Variants in DST observed in about 807,000 individuals in gnomAD.
DST encodes the protein bullous pemphigoid antigen.
Under a neutral mutation model 875.2 loss-of-function variants are expected in DST, and 253 were observed. That is an observed-to-expected ratio of 0.29 (90% CI 0.26 to 0.32). DST has a LOEUF of 0.32. Among genes scored for constraint, DST ranks in the 10% least tolerant of loss-of-function variants. DST has a pLI of 1.00. For missense variants in DST, 8,287 were observed against 9,111.6 expected, an observed-to-expected ratio of 0.91 and a Z score of 3.68; for synonymous variants, 3,124 against 3,197.1, an observed-to-expected ratio of 0.98 and a Z score of 0.77.
intron 49 of DST, among the ~76,000 whole-genome samples, chr6:56,590,805 C>T (rs533237624): frequency 6.6e-6 from 1 of 152,286 alleles, no homozygotes; most frequent in Non-Finnish European, 1.5e-5. Flanking sequence ...TGACCTCCTT[C>T]CCTGCTCTCA....
intron 4 of DST, among the ~76,000 whole-genome samples, chr6:56,819,855 C>T (rs898857802): frequency 6.6e-6 from 1 of 152,128 alleles, no homozygotes; most frequent in South Asian, 2.1e-4. Flanking sequence ...TGTTTTCCTA[C>T]TGAAGAGAGA....
At chr6:56,501,832 G>T in intron 78 of DST, 139 bp from the exon 79 acceptor site, 1 of 527,594 alleles carries the variant, frequency 1.9e-6, no homozygotes, top group Non-Finnish European at 3.1e-6. Flanking sequence ...CTCACATGAG[G>T]CTTACCAATG....
intron 2 of DST, among the ~76,000 whole-genome samples, chr6:56,929,032 T>G (rs906327603): frequency 6.6e-5 from 10 of 152,142 alleles, no homozygotes; most frequent in Non-Finnish European, 1.0e-4. Context: ...CCTTTGGAAT[T>G]AGACAACCCA....
At chr6:56,474,269 A>C (rs2152404017) in intron 92 of DST, 1 of 294,282 alleles carries the variant, frequency 3.4e-6, no homozygotes, top group East Asian at 9.8e-5. Flanking sequence ...GGATCACCTG[A>C]GGTCAGGAGT....
intron 4 of DST, among the ~76,000 whole-genome samples, chr6:56,839,617 A>G (rs1379936167): frequency 6.6e-6 from 1 of 152,198 alleles, no homozygotes; most frequent in East Asian, 1.9e-4. Flanking sequence ...AAATTCCCTG[A>G]AACCTGTATA....
intron 4 of DST, among the ~76,000 whole-genome samples, chr6:56,781,134 A>G (rs1423704660): frequency 6.6e-6 from 1 of 152,124 alleles, no homozygotes; most frequent in African/African-American, 2.4e-5. Flanking sequence ...GTAGCCTTGT[A>G]GTATTGTTTG....
Position 56,553,205 on chromosome 6 carries a change from A to C in DST, c.15587T>G (p.Leu5196Trp). ...QNNLEEIKFC[L>W]DPAEGENSIA... ...AGAATTCTCTCCTTCAGCAGGATCC[A>C]AGCAAAATTTTATTTCCTCCAGGTT... The change falls in exon 61 of 104, where the codon TTG (leucine) becomes TGG (tryptophan). Residue 5196 changes from leucine to tryptophan, a missense_variant. This residue lies in a region of DST where 1,513 missense variants were observed against 1,677.8 expected (regional missense o/e 0.90). Coordinates refer to ENST00000680361, the MANE Select transcript of DST (RefSeq NM_001374736.1). The C allele has an allele frequency of 1.2e-6, 2 of 1,613,970 alleles. No homozygotes were observed. Among genetic ancestry groups the C allele is most frequent in the South Asian group, 2.2e-5 (2 of 91,086 alleles).
At chr6:56,830,553 A>G (rs1325548159) in intron 4 of DST, among the ~76,000 whole-genome samples, 1 of 152,210 alleles carries the variant, frequency 6.6e-6, no homozygotes, top group Admixed American at 6.5e-5. Flanking sequence ...TACTACAGAA[A>G]TTACATCTTT....
intron 62 of DST, among the ~76,000 whole-genome samples, chr6:56,536,034 T>C (rs6907917): frequency 0.76 from 115,640 of 152,148 alleles, 44,163 homozygotes; most frequent in East Asian, 0.8. Flanking sequence ...CAAGACCTGG[T>C]ACCTGCTGAA....
intron 3 of DST, among the ~76,000 whole-genome samples, chr6:56,888,190 C>T (rs1379593415): frequency 6.6e-6 from 1 of 151,958 alleles, no homozygotes; most frequent in Non-Finnish European, 1.5e-5. Flanking sequence ...CCTCGTGATC[C>T]GCCCGCCTCA....
chr6:56,906,668 C>T (rs563438491), intron 2 of DST, among the ~76,000 whole-genome samples: 1 of 152,254 alleles, frequency 6.6e-6, no homozygotes, highest in South Asian at 2.1e-4. Flanking sequence ...CATCCACTGC[C>T]TGCCAGCCTT....
At chr6:56,890,648 T>G (rs1463366961) in intron 3 of DST, among the ~76,000 whole-genome samples, 1 of 152,240 alleles carries the variant, frequency 6.6e-6, no homozygotes, top group Non-Finnish European at 1.5e-5. Context: ...TATTTGCATA[T>G]AGCTTACAAA....
At chr6:56,703,577 A>T in intron 7 of DST, 71 bp downstream of exon 7, 2 of 531,550 alleles carry the variant, frequency 3.8e-6, no homozygotes, top group Non-Finnish European at 4.8e-6. Context: ...CCCAGGAGTT[A>T]CTTCTCTATC....
At chr6:56,567,344 A>T (rs1353184015) in intron 55 of DST, among the ~76,000 whole-genome samples, 1 of 152,012 alleles carries the variant, frequency 6.6e-6, no homozygotes, top group African/African-American at 2.4e-5. Context: ...AAAAAAAATT[A>T]AACATGATGG....
At position 56,843,796 on chromosome 6, in the gene DST, A is replaced by C. The variant is rs1481396744; in HGVS notation, c.625+7601T>G. 4.9e-6 allele frequency: 3 copies of C among 617,344 alleles called. No homozygotes were observed. The African/African-American group carries it at 5.9e-5, about 12-fold the overall frequency. The allele number at this position is 617,344 out of a possible 1,614,324, so 38.2% of individuals were successfully genotyped here. ...AAGGGAGGGGGCGAGCGCGGCGGTC[A>C]GCGCCCCGGCTGGCTCAGCTCCGGC... On this transcript the variant is annotated intron_variant, in intron 4 of 103. Coordinates refer to ENST00000680361, the MANE Select transcript of DST (RefSeq NM_001374736.1).
intron 4 of DST, among the ~76,000 whole-genome samples, chr6:56,836,633 G>A (rs1216193031): frequency 2.6e-5 from 4 of 151,806 alleles, no homozygotes; most frequent in Admixed American, 6.6e-5. Flanking sequence ...GGCGGATCAC[G>A]AGGTCAGGAG....
At chr6:56,595,354 C>G (rs760912251) in intron 47 of DST, among the ~76,000 whole-genome samples, 1 of 152,080 alleles carries the variant, frequency 6.6e-6, no homozygotes, top group South Asian at 2.1e-4. Flanking sequence ...AAACTGGTCC[C>G]CCACCCCACA....
At chr6:56,741,478 G>A (rs1199638478) in intron 4 of DST, among the ~76,000 whole-genome samples, 2 of 152,138 alleles carry the variant, frequency 1.3e-5, no homozygotes, top group African/African-American at 4.8e-5. Context: ...AACATGAGAA[G>A]GCTTCCACAA....
In DST at chr6:56,634,536, C is replaced by T; in HGVS notation, c.3420G>A (p.Gly1140=). 6.2e-7 allele frequency: 1 copy of T among 1,614,170 alleles called. No individual in the cohort carries two copies. The highest frequency in any genetic ancestry group is 1.1e-5 in the South Asian group (1 of 91,084). Residue 1140 remains glycine, a synonymous_variant, in exon 26 of 104, where the codon GGG becomes GGA. Coordinates refer to ENST00000680361, the MANE Select transcript of DST (RefSeq NM_001374736.1). ...ACACAGATGGGACCATAGCCTCATT[C>T]CCAGTAGGACTAATGACCTTCCATT... The part of the protein sequence containing the change: ...RAKWKVISPT[G]NEAMVPSVCF...
Sources: allele counts gnomAD v4.1 joint callset (sites outside exome capture counted in the v4.1 genomes callset), GRCh38; gene constraint gnomAD v4.1.1; regional missense constraint gnomAD v4.1.1; transcripts MANE v1.5; gene names NCBI Gene and HGNC (gene_info 2026-07-23, HGNC 2026-07-21).